The following SGSH variants were observed in gnomAD, a reference collection of about 807,000 sequenced individuals.
The protein encoded by SGSH is N-sulfoglucosamine sulfohydrolase.
Under a neutral mutation model 51.0 loss-of-function variants are expected in SGSH, and 48 were observed. The ratio of observed to expected loss-of-function variants is 0.94; its 90% confidence interval spans 0.75 to 1.20. The LOEUF is 1.20. SGSH is among the 50% of genes most tolerant of loss of function. The probability of loss-of-function intolerance (pLI) is 0.00; values close to 1 mark genes in which losing one functional copy is unlikely to be tolerated. For missense variants in SGSH, 662 were observed against 717.8 expected (o/e 0.92, Z 0.89); for synonymous variants, 321 against 313.4 (o/e 1.02, Z -0.26).
At chr17:80,218,054 G>A (rs893371034) in intron 1 of SGSH, among the ~76,000 whole-genome samples, 1 of 152,242 alleles carries the variant, frequency 6.6e-6, no homozygotes, top group African/African-American at 2.4e-5. Flanking sequence ...CAACAAGCTT[G>A]ATGATACCCC....
At chr17:80,201,991 C>G (rs2041002756), downstream of SGSH, 3 of 1,367,696 alleles carry the variant, frequency 2.2e-6, no homozygotes, top group East Asian at 4.6e-5. This position sits in a 1 kb window ranked among gnomAD's most constrained non-coding sequence, Gnocchi z 5.0. Flanking sequence ...AGAGGATCAG[C>G]CAGGCTGTGC....
At chr17:80,201,576 GCC>G in the SGSH span, 1 of 694,586 alleles carries the variant, frequency 1.4e-6, no homozygotes, top group Non-Finnish European at 2.6e-6. This position sits in a 1 kb window ranked among gnomAD's most constrained non-coding sequence, Gnocchi z 5.0. Flanking sequence ...AGGTGTGAAG[GCC>G]CCACAGAGGC....
chr17:80,216,868 A>G (rs2041909577), intron 2 of SGSH, 164 bp downstream of exon 2: 4 of 681,990 alleles, frequency 5.9e-6, no homozygotes, highest in Non-Finnish European at 7.3e-6. Context: ...CGGAGCCCCT[A>G]GTCTGCACTC....
downstream of SGSH, chr17:80,204,056 C>T (rs2041138193): frequency 1.2e-6 from 1 of 808,794 alleles, no homozygotes; most frequent in African/African-American, 1.7e-5. Flanking sequence ...GCAGCCCCTG[C>T]CCAGCCTGCA....
intron 7 of SGSH, 115 bp downstream of exon 7, chr17:80,211,956 C>A (rs756260846): frequency 4.7e-6 from 4 of 853,580 alleles, no homozygotes; most frequent in Non-Finnish European, 5.8e-6. Context: ...CCTTCCTCAC[C>A]CAGATGATAT....
At chr17:80,201,720 C>A (rs996675020), downstream of SGSH, 4 of 1,613,518 alleles carry the variant, frequency 2.5e-6, no homozygotes, top group Admixed American at 3.3e-5. This position sits in a 1 kb window ranked among gnomAD's most constrained non-coding sequence, Gnocchi z 5.0. Context: ...GGGAAAGAGA[C>A]TGACCTTCTC....
Position 80,210,105 on chromosome 17 carries a change from A to G in SGSH, c.*347T>C. On this transcript the variant is annotated 3_prime_UTR_variant, in exon 8 of 8. Coordinates refer to ENST00000326317, the MANE Select transcript of SGSH (RefSeq NM_000199.5). ...TTTGCAGGTCCCCAAACCAAGCCAGAAAACAAGACTCCCTTGTCATGGGCT... is the reference window on the plus strand; with the variant it reads ...TTTGCAGGTCCCCAAACCAAGCCAGGAAACAAGACTCCCTTGTCATGGGCT... 1.7e-6 allele frequency: 2 copies of G among 1,171,590 alleles called. No homozygotes were observed. The highest frequency in any genetic ancestry group is 2.1e-6 in the Non-Finnish European group (2 of 942,400). 72.6% of individuals were successfully genotyped at this position (1,171,590 alleles called of 1,614,324 possible). A position where few individuals can be genotyped will look rare whatever the true frequency, so the allele number is the denominator to read the frequency against.
downstream of SGSH, chr17:80,209,263 G>A: frequency 1.1e-6 from 1 of 938,040 alleles, no homozygotes; most frequent in Non-Finnish European, 1.3e-6. Flanking sequence ...ATTCAGGTTG[G>A]TATCATCATA....
chr17:80,215,032 C>T lies in SGSH; in HGVS notation c.355+1G>A. Reference sequence around the variant, plus strand: ...CCCTGTCCTCGGCACGGGGTCCTCACCTGTGCGCACACCAGCTTGGCTGAG... The same window carrying T: ...CCCTGTCCTCGGCACGGGGTCCTCATCTGTGCGCACACCAGCTTGGCTGAG... On this transcript the variant is annotated splice_donor_variant, in intron 3 of 7. Coordinates refer to ENST00000326317, the MANE Select transcript of SGSH (RefSeq NM_000199.5). LOFTEE classifies it high-confidence loss of function. The T allele has an allele frequency of 1.2e-6, 2 of 1,609,258 alleles. No individual in the cohort carries two copies. Among genetic ancestry groups the T allele is most frequent in the Non-Finnish European group, 1.7e-6 (2 of 1,179,282 alleles).
intron 1 of SGSH, among the ~76,000 whole-genome samples, chr17:80,218,272 C>A (rs2041965136): frequency 6.6e-6 from 1 of 152,222 alleles, no homozygotes; most frequent in Admixed American, 6.5e-5. Context: ...TCTCAAAGGC[C>A]TAGTGACCTT....
Position 80,219,996 on chromosome 17 carries a change from T to C in SGSH, c.88+230A>G, listed in dbSNP as rs1598770579. On this transcript the variant is annotated intron_variant, in intron 1 of 7. Transcript: ENST00000326317. ...TGGGACAGGCGGCACGAGGTAAGTG[T>C]AGGGGTGCTGGATGCTGGGGCTCAC... The C allele has an allele frequency of 1.1e-4, 52 of 464,534 alleles. No individual in the cohort carries two copies. The East Asian group carries it at 1.8e-3, about 16-fold the overall frequency. The allele number at this position is 464,534 out of a possible 1,614,324, so 28.8% of individuals were successfully genotyped here. A position where few individuals can be genotyped will look rare whatever the true frequency, so the allele number is the denominator to read the frequency against.
At chr17:80,205,910 G>A (rs1332628550), downstream of SGSH, 4 of 386,310 alleles carry the variant, frequency 1.0e-5, no homozygotes, top group African/African-American at 4.2e-5. Context: ...ATATTTGTTC[G>A]AGAATGAATA....
rs1462064392 is a variant in SGSH at position 80,209,416 on chromosome 17, G to A, written c.*1036C>T. 2 of 985,534 alleles carry A rather than the reference G, an allele frequency of 2.0e-6. No homozygotes were observed. The highest frequency in any genetic ancestry group is 2.4e-6 in the Non-Finnish European group (2 of 830,018). The allele number at this position is 985,534 out of a possible 1,614,324, so 61.0% of individuals were successfully genotyped here. On this transcript the variant is annotated 3_prime_UTR_variant, in exon 8 of 8. Transcript: ENST00000326317. Reference sequence around the variant, plus strand: ...GGGGAGCCCACCTACTCAAGGAAGCGCCCTCTCCTTCGAGGGGTGTCCAGG... The same window carrying A: ...GGGGAGCCCACCTACTCAAGGAAGCACCCTCTCCTTCGAGGGGTGTCCAGG...
chr17:80,208,497 AC>A, downstream of SGSH: 1 of 646,860 alleles, frequency 1.5e-6, no homozygotes, highest in Non-Finnish European at 2.6e-6. Flanking sequence ...TTGAACCCTC[AC>A]CACGTGCAGG....
downstream of SGSH, chr17:80,204,273 A>G (rs1598706931): frequency 1.2e-5 from 20 of 1,601,656 alleles, no homozygotes; most frequent in Non-Finnish European, 1.7e-5. Flanking sequence ...GTCAGTATGG[A>G]CAAAGCCAAG....
At chr17:80,204,254 G>T (rs1291071353), downstream of SGSH, 5 of 1,597,520 alleles carry the variant, frequency 3.1e-6, no homozygotes, top group African/African-American at 2.7e-5. Context: ...ACAGAAGCTG[G>T]TCCGCATCGT....
intron 2 of SGSH, among the ~76,000 whole-genome samples, chr17:80,215,631 C>G (rs2041862448): frequency 6.6e-6 from 1 of 151,750 alleles, no homozygotes; most frequent in African/African-American, 2.4e-5. Flanking sequence ...CCAGCCTGGC[C>G]AACATGGTGA....
At chr17:80,205,140 G>A, downstream of SGSH, 1 of 1,613,782 alleles carries the variant, frequency 6.2e-7, no homozygotes, top group Non-Finnish European at 8.5e-7. Flanking sequence ...CTCGTGCCCA[G>A]GGCGGTTGGG....
chr17:80,219,161 CAAAAAAA>C (rs11430982), intron 1 of SGSH, among the ~76,000 whole-genome samples: 607 of 54,202 alleles, frequency 0.011, no homozygotes, highest in Middle Eastern at 0.032. Flanking sequence ...CCCTGTCTCA[CAAAAAAA>C]AAAAAAAAAA....
Sources: allele counts gnomAD v4.1 joint callset (sites outside exome capture counted in the v4.1 genomes callset), GRCh38; gene constraint gnomAD v4.1.1; non-coding constraint Gnocchi (gnomAD v3.1); transcripts MANE v1.5; gene names NCBI Gene and HGNC (gene_info 2026-07-23, HGNC 2026-07-21).